DR1: variants seen among roughly 807,000 people sequenced by gnomAD.
DR1 encodes protein Dr1.
DR1 carries 7 observed loss-of-function variants against 19.9 expected under a neutral mutation model. The observed-to-expected ratio is 0.35, with a 90% CI of 0.20 to 0.66. The LOEUF (loss-of-function observed/expected upper bound fraction) is 0.66. Ranked by LOEUF, DR1 falls within the 30% of genes least tolerant of loss-of-function variation. The pLI, the probability that DR1 is intolerant of heterozygous loss-of-function variation, is 0.66. For synonymous variants in DR1, 76 were observed against 72.5 expected, an observed-to-expected ratio of 1.05 and a Z score of -0.24; for missense variants, 98 against 203.7, an observed-to-expected ratio of 0.48 and a Z score of 3.16.
intron 2 of DR1, among the ~76,000 whole-genome samples, chr1:93,356,723 AT>A (rs34485070): frequency 0.5 from 70,023 of 139,148 alleles, 18,995 homozygotes; most frequent in East Asian, 0.63. Flanking sequence ...AACTCTTACA[AT>A]TTTTTTTTTT....
chr1:93,346,910 C>T (rs771104761), intron 1 of DR1, 45 bp downstream of exon 1: 1 of 1,507,784 alleles, frequency 6.6e-7, no homozygotes, highest in Non-Finnish European at 9.1e-7. Context: ...TCTAGGGTAG[C>T]AGTCTGCTAA....
chr1:93,364,358 G>GA lies in DR1; in HGVS notation c.*3723dup, dbSNP rs998970398. ...AGTATGTTGAATTAGTATGTTGTGGGAAAATCTGTGATTTAATTTTTTAAT... is the reference window on the plus strand; with the variant it reads ...AGTATGTTGAATTAGTATGTTGTGGGAAAAATCTGTGATTTAATTTTTTAAT... On this transcript the variant is annotated 3_prime_UTR_variant, in exon 3 of 3. Transcript: ENST00000370272. The GA allele has an allele frequency of 6.6e-6, 1 of 152,140 alleles. No homozygotes were observed. Among genetic ancestry groups the GA allele is most frequent in the Non-Finnish European group, 1.5e-5 (1 of 68,020 alleles). 9.4% of individuals were successfully genotyped at this position (152,140 alleles called of 1,614,324 possible).
In DR1 at chr1:93,366,440, A is replaced by G. The variant is rs1040573409; in HGVS notation, c.*5801A>G. 1 of 152,154 alleles carries G rather than the reference A, an allele frequency of 6.6e-6. No individual in the cohort carries two copies. The highest frequency in any genetic ancestry group is 1.5e-5 in the Non-Finnish European group (1 of 68,030). The allele number at this position is 152,154 out of a possible 1,614,324, so 9.4% of individuals were successfully genotyped here. On this transcript the variant is annotated 3_prime_UTR_variant, in exon 3 of 3. Coordinates refer to ENST00000370272, the MANE Select transcript of DR1 (RefSeq NM_001938.3). The stretch of plus-strand genomic sequence containing the variant: ...CTGTATATTCGCAATTGAAATAGGG[A>G]AAGTCTTTATATTCATATAAAGATA...
rs1666845073 is a variant in DR1, at chr1:93,346,629, A to C, written c.-17A>C. 3 of 1,609,046 alleles carry C rather than the reference A, an allele frequency of 1.9e-6. No homozygotes were observed. On this transcript the variant is annotated 5_prime_UTR_variant, in exon 1 of 3. Coordinates refer to ENST00000370272, the MANE Select transcript of DR1 (RefSeq NM_001938.3). ...GGGAGTTTTTAAAAGCCGGGGCGCGAGAAACAGGAAGGTACTATGGCTTCC... is the reference window on the plus strand; with the variant it reads ...GGGAGTTTTTAAAAGCCGGGGCGCGCGAAACAGGAAGGTACTATGGCTTCC...
intron 2 of DR1, among the ~76,000 whole-genome samples, chr1:93,354,416 A>C (rs1666954515): frequency 6.6e-6 from 1 of 152,212 alleles, no homozygotes; most frequent in African/African-American, 2.4e-5. Flanking sequence ...GATGCATGAC[A>C]TACCAGCAAA....
chr1:93,346,671 A>G lies in DR1; in HGVS notation c.26A>G (p.Asp9Gly). The change falls in exon 1 of 3, where the codon GAT becomes GGT. Residue 9 changes from aspartate to glycine, a missense_variant. Physicochemically the swap from Asp to Gly is moderately conservative, Grantham distance 94. Coordinates refer to ENST00000370272, the MANE Select transcript of DR1 (RefSeq NM_001938.3). The stretch of plus-strand genomic sequence containing the variant: ...ATGGCTTCCTCGTCTGGCAACGATG[A>G]TGATCTCACTATCCCCAGAGCTGCT... MASSSGND[D>G]DLTIPRAAIN... 6.2e-7 allele frequency: 1 copy of G among 1,614,010 alleles called. No individual in the cohort carries two copies. Among genetic ancestry groups the G allele is most frequent in the Non-Finnish European group, 8.5e-7 (1 of 1,180,016 alleles).
rs1667129503 is a variant in DR1, at chr1:93,366,376, T to G, written c.*5737T>G. 1 of 152,324 alleles carries G rather than the reference T, an allele frequency of 6.6e-6. No individual in the cohort carries two copies. Among genetic ancestry groups the G allele is most frequent in the Non-Finnish European group, 1.5e-5 (1 of 68,022 alleles). 9.4% of individuals were successfully genotyped at this position (152,324 alleles called of 1,614,324 possible). A position where few individuals can be genotyped will look rare whatever the true frequency, so the allele number is the denominator to read the frequency against. On this transcript the variant is annotated 3_prime_UTR_variant, in exon 3 of 3. Transcript: ENST00000370272. ...TGAACGTGGGTATACAAATAACTGT[T>G]TGAGTCCTAATAGGCTTGTTATTTT... is the stretch of plus-strand genomic sequence containing the variant.
chr1:93,349,735 C>A, intron 1 of DR1, among the ~76,000 whole-genome samples: 1 of 152,066 alleles, frequency 6.6e-6, no homozygotes, highest in East Asian at 1.9e-4. Context: ...TAAAAAATTC[C>A]TGTCCTTCTC....
chr1:93,346,604 G>T lies in DR1; in HGVS notation c.-42G>T, dbSNP rs775511269. ...TCGGTGGAGTAGTGGACCAGAGCTG[G>T]GGAGTTTTTAAAAGCCGGGGCGCGA... On this transcript the variant is annotated 5_prime_UTR_variant, in exon 1 of 3. Coordinates refer to ENST00000370272, the MANE Select transcript of DR1 (RefSeq NM_001938.3). 1 of 1,541,464 alleles carries T rather than the reference G, an allele frequency of 6.5e-7. No homozygotes were observed. Among genetic ancestry groups the T allele is most frequent in the Non-Finnish European group, 8.9e-7 (1 of 1,117,658 alleles).
At chr1:93,358,378 T>A (rs1667015474) in intron 2 of DR1, among the ~76,000 whole-genome samples, 1 of 152,142 alleles carries the variant, frequency 6.6e-6, no homozygotes. Flanking sequence ...GGTTTTCTCT[T>A]ACTTTCTCTT....
chr1:93,350,379 C>G (rs149868049), intron 1 of DR1, among the ~76,000 whole-genome samples: 17 of 152,274 alleles, frequency 1.1e-4, no homozygotes, highest in African/African-American at 2.2e-4. Context: ...CCTACATCCT[C>G]TTAATGTATT....
intron 2 of DR1, among the ~76,000 whole-genome samples, chr1:93,359,162 A>G (rs1222735210): frequency 6.6e-6 from 1 of 152,218 alleles, no homozygotes; most frequent in East Asian, 1.9e-4. Context: ...AAAATGAAAT[A>G]GTGACCTGAT....
Position 93,368,697 on chromosome 1 carries a change from T to G in DR1, c.*8058T>G, listed in dbSNP as rs1187356924. On this transcript the variant is annotated 3_prime_UTR_variant, in exon 3 of 3. Coordinates refer to ENST00000370272, the MANE Select transcript of DR1 (RefSeq NM_001938.3). ...AGTGTGGTTAAGCTATGAAGAACAA[T>G]GGTATTTATTTCCAAAACACTTATT... 1.3e-5 allele frequency: 2 copies of G among 152,174 alleles called. No homozygotes were observed. Among genetic ancestry groups the G allele is most frequent in the Non-Finnish European group, 2.9e-5 (2 of 68,030 alleles). 9.4% of individuals were successfully genotyped at this position (152,174 alleles called of 1,614,324 possible).
rs1319819769 is a variant in DR1, at chr1:93,368,096, G to T, written c.*7457G>T. The T allele has an allele frequency of 1.3e-5, 2 of 152,118 alleles. No individual in the cohort carries two copies. Among genetic ancestry groups the T allele is most frequent in the Non-Finnish European group, 2.9e-5 (2 of 68,024 alleles). The allele number at this position is 152,118 out of a possible 1,614,324, so 9.4% of individuals were successfully genotyped here. Reference sequence around the variant, plus strand: ...ATGAGGATCAACTCTTTTTGTAATAGTTTTTTTACATATGTTATTTCATTT... The same window carrying T: ...ATGAGGATCAACTCTTTTTGTAATATTTTTTTTACATATGTTATTTCATTT... On this transcript the variant is annotated 3_prime_UTR_variant, in exon 3 of 3. Transcript: ENST00000370272.
At chr1:93,351,789 T>G (rs550436423) in intron 1 of DR1, among the ~76,000 whole-genome samples, 2 of 152,348 alleles carry the variant, frequency 1.3e-5, no homozygotes, top group East Asian at 3.9e-4. Flanking sequence ...TGAAGGGTTG[T>G]CTCTCCATTG....
intron 2 of DR1, among the ~76,000 whole-genome samples, chr1:93,358,748 C>T (rs531316151): frequency 1.3e-5 from 2 of 152,318 alleles, no homozygotes; most frequent in East Asian, 3.9e-4. Context: ...ATGTTCTCTT[C>T]CTGCCTTTTC....
Position 93,366,391 on chromosome 1 carries a change from C to T in DR1, c.*5752C>T, listed in dbSNP as rs750158183. The stretch of plus-strand genomic sequence containing the variant: ...AAATAACTGTTTGAGTCCTAATAGG[C>T]TTGTTATTTTTGAGTGCACAGATCT... On this transcript the variant is annotated 3_prime_UTR_variant, in exon 3 of 3. Coordinates refer to ENST00000370272, the MANE Select transcript of DR1 (RefSeq NM_001938.3). 1.3e-5 allele frequency: 2 copies of T among 152,098 alleles called. No homozygotes were observed. The highest frequency in any genetic ancestry group is 2.4e-5 in the African/African-American group (1 of 41,408). The allele number at this position is 152,098 out of a possible 1,614,324, so 9.4% of individuals were successfully genotyped here.
chr1:93,347,554 G>C (rs1162635279), intron 1 of DR1, among the ~76,000 whole-genome samples: 2 of 151,738 alleles, frequency 1.3e-5, no homozygotes, highest in Non-Finnish European at 2.9e-5. Context: ...GTGGAGATAA[G>C]TTTTGAAATC....
intron 2 of DR1, among the ~76,000 whole-genome samples, chr1:93,359,371 C>T (rs896732283): frequency 1.3e-5 from 2 of 151,976 alleles, no homozygotes; most frequent in African/African-American, 2.4e-5. Flanking sequence ...TCTCTATTCT[C>T]AAGTGTGGTG....
Sources: gnomAD v4.1 joint callset for allele counts (sites outside exome capture counted in the v4.1 genomes callset) on GRCh38, gnomAD v4.1.1 for gene constraint, MANE v1.5 for transcripts, NCBI Gene and HGNC (gene_info 2026-07-23, HGNC 2026-07-21) for gene names.